Variants in SPTLC3 observed in about 807,000 individuals in gnomAD.
SPTLC3 encodes the protein serine palmitoyltransferase long chain base subunit 3.
A neutral mutation model predicts 59.3 loss-of-function variants in SPTLC3; 36 were observed. The observed-to-expected ratio is 0.61, with a 90% CI of 0.47 to 0.80. The LOEUF is 0.80. SPTLC3 is among the 30% of genes least tolerant of loss of function. The pLI, the probability that SPTLC3 is intolerant of heterozygous loss-of-function variation, is 0.00. For missense variants in SPTLC3, 625 were observed against 685.1 expected (o/e 0.91, Z 0.98); for synonymous variants, 257 against 240.8 (o/e 1.07, Z -0.62).
At chr20:13,108,254 TAAAA>T (rs942481202) in intron 6 of SPTLC3, among the ~76,000 whole-genome samples, 1 of 152,154 alleles carries the variant, frequency 6.6e-6, no homozygotes, top group African/African-American at 2.4e-5. Flanking sequence ...ACTTGATAAT[TAAAA>T]AGAAACACAC....
chr20:13,019,376 G>C (rs753883567), intron 1 of SPTLC3, among the ~76,000 whole-genome samples: 1 of 152,176 alleles, frequency 6.6e-6, no homozygotes, highest in Non-Finnish European at 1.5e-5. Context: ...TAGGCAAACA[G>C]AGTGTAGGAA....
chr20:13,164,659 G>C, intron 11 of SPTLC3, 95 bp from the exon 12 acceptor site: 1 of 861,570 alleles, frequency 1.2e-6, no homozygotes, highest in Non-Finnish European at 1.9e-6. Context: ...AACTAAGACT[G>C]TGTGTCTTTG....
chr20:13,038,896 C>G (rs1271611403), intron 1 of SPTLC3, among the ~76,000 whole-genome samples: 1 of 151,878 alleles, frequency 6.6e-6, no homozygotes, highest in East Asian at 1.9e-4. Flanking sequence ...TCTTCTTTGA[C>G]TCATTTACTA....
At chr20:13,097,736 A>G (rs745616099) in intron 6 of SPTLC3, among the ~76,000 whole-genome samples, 4 of 152,240 alleles carry the variant, frequency 2.6e-5, no homozygotes, top group Middle Eastern at 6.8e-3. Flanking sequence ...CCAAATTAGG[A>G]ATGTTCTATT....
At chr20:13,135,179 T>G (rs1434053652) in intron 9 of SPTLC3, among the ~76,000 whole-genome samples, 1 of 152,224 alleles carries the variant, frequency 6.6e-6, no homozygotes, top group Non-Finnish European at 1.5e-5. Context: ...TAATAATTAT[T>G]TAAATTGTCT....
chr20:13,163,190 A>C (rs2038927498), intron 11 of SPTLC3, among the ~76,000 whole-genome samples: 1 of 151,942 alleles, frequency 6.6e-6, no homozygotes, highest in Admixed American at 6.6e-5. Flanking sequence ...CAACATGGTG[A>C]AACCCCATCT....
chr20:13,043,901 A>G (rs944740021), intron 1 of SPTLC3, among the ~76,000 whole-genome samples: 7 of 152,062 alleles, frequency 4.6e-5, no homozygotes. Context: ...TAACAGGTTG[A>G]TAAGATTACT....
intron 1 of SPTLC3, among the ~76,000 whole-genome samples, chr20:13,021,152 C>G (rs998472237): frequency 1.3e-5 from 2 of 152,164 alleles, no homozygotes; most frequent in Admixed American, 1.3e-4. Context: ...GCACATTCTT[C>G]TCTTGACTTC....
rs2038710319 is a variant in SPTLC3, at chr20:13,154,006, T to C, written c.1283T>C (p.Leu428Pro). ...IMGLDGTTQGLQRVQQLAKNT... is the reference protein window; with the variant it reads ...IMGLDGTTQGPQRVQQLAKNT... ...TTTCACGCCTGTCTCTTTTCAGGGC[T>C]GCAGAGAGTACAGCAACTTGCGAAA... The change falls in exon 10 of 12, where the codon CTG (leucine) becomes CCG (proline). Residue 428 changes from leucine to proline, a missense_variant. Physicochemically the swap from Leu to Pro is moderately conservative, Grantham distance 98 (BLOSUM62 -3). Transcript: ENST00000399002. 6.2e-7 allele frequency: 1 copy of C among 1,613,848 alleles called. No homozygotes were observed. The highest frequency in any genetic ancestry group is 1.7e-5 in the Admixed American group (1 of 59,996).
At chr20:13,064,196 AT>A (rs768031092) in intron 2 of SPTLC3, among the ~76,000 whole-genome samples, 1 of 150,366 alleles carries the variant, frequency 6.7e-6, no homozygotes, top group African/African-American at 2.5e-5. Context: ...CACCTGGCCA[AT>A]TTTTTTTAAC....
chr20:13,127,855 T>C (rs1451876113), intron 9 of SPTLC3, among the ~76,000 whole-genome samples: 1 of 152,196 alleles, frequency 6.6e-6, no homozygotes, highest in East Asian at 1.9e-4. Context: ...TTCGGTGTTA[T>C]GACTCTGCAT....
At chr20:13,160,836 A>T (rs1004487163) in intron 11 of SPTLC3, among the ~76,000 whole-genome samples, 8 of 152,232 alleles carry the variant, frequency 5.3e-5, no homozygotes, top group African/African-American at 1.9e-4. Context: ...AGAAATATAG[A>T]AAACTGTGGG....
chr20:13,040,996 G>A (rs1986958596), intron 1 of SPTLC3, among the ~76,000 whole-genome samples: 1 of 151,906 alleles, frequency 6.6e-6, no homozygotes, highest in Admixed American at 6.6e-5. Flanking sequence ...CAATTGTTTG[G>A]CTCTTGCTGC....
intron 1 of SPTLC3, among the ~76,000 whole-genome samples, chr20:13,028,134 C>T (rs948428249): frequency 6.6e-6 from 1 of 152,150 alleles, no homozygotes; most frequent in African/African-American, 2.4e-5. Flanking sequence ...TTTTCAACCA[C>T]CTACTTTGAT....
chr20:13,164,952 C>A lies in SPTLC3; in HGVS notation c.*85C>A. ...ACAAGGAATATAAATGGATTTCTCC[C>A]CCTTCCTCAGGACAATTTTGGTTCC... On this transcript the variant is annotated 3_prime_UTR_variant, in exon 12 of 12. Coordinates refer to ENST00000399002, the MANE Select transcript of SPTLC3 (RefSeq NM_018327.4). The A allele has an allele frequency of 2.5e-6, 3 of 1,191,470 alleles. No individual in the cohort carries two copies. The highest frequency in any genetic ancestry group is 3.5e-6 in the Non-Finnish European group (3 of 852,680). The allele number at this position is 1,191,470 out of a possible 1,614,324, so 73.8% of individuals were successfully genotyped here.
At chr20:13,070,291 AACATTCTTTCCTACAAAAGAAAAGT>A (rs1290809369) in intron 2 of SPTLC3, among the ~76,000 whole-genome samples, 24 of 152,342 alleles carry the variant, frequency 1.6e-4, no homozygotes, top group Non-Finnish European at 2.8e-4. Context: ...TATGCTTATG[AACATTCTTTCCTACAAAAGAAAAGT>A]ATACTTTTTC....
chr20:13,113,711 G>A (rs1221645352), intron 7 of SPTLC3, among the ~76,000 whole-genome samples: 1 of 152,170 alleles, frequency 6.6e-6, no homozygotes, highest in Non-Finnish European at 1.5e-5. Context: ...GGTCATATAA[G>A]CTAGTGTTGG....
At chr20:13,044,845 C>T (rs953485352) in intron 1 of SPTLC3, among the ~76,000 whole-genome samples, 4 of 152,160 alleles carry the variant, frequency 2.6e-5, no homozygotes, top group Non-Finnish European at 5.9e-5. Flanking sequence ...AAATCATCTT[C>T]ATTGTTATGC....
chr20:13,057,607 T>C (rs1165592002), intron 2 of SPTLC3, among the ~76,000 whole-genome samples: 1 of 152,186 alleles, frequency 6.6e-6, no homozygotes, highest in East Asian at 1.9e-4. Flanking sequence ...ACTTGAGTAT[T>C]AACTGAAAAG....
Sources: gnomAD v4.1 joint callset for allele counts (sites outside exome capture counted in the v4.1 genomes callset) on GRCh38, gnomAD v4.1.1 for gene constraint, MANE v1.5 for transcripts, NCBI Gene and HGNC (gene_info 2026-07-23, HGNC 2026-07-21) for gene names.